DNAI1: variants seen among roughly 807,000 people sequenced by gnomAD.
DNAI1 encodes dynein axonemal intermediate chain 1, also known as dynein, axonemal, intermediate polypeptide 1.
A neutral mutation model predicts 92.0 loss-of-function variants in DNAI1; 67 were observed. That is an observed-to-expected ratio of 0.73 (90% confidence interval 0.60 to 0.89). The LOEUF (loss-of-function observed/expected upper bound fraction) is 0.89. DNAI1 is among the 40% of genes least tolerant of loss of function. DNAI1 has a pLI of 0.00. For missense variants in DNAI1, 839 were observed against 866.6 expected (o/e 0.97, Z 0.40); for synonymous variants, 323 against 319.6 (o/e 1.01, Z -0.11).
Position 34,512,454 on chromosome 9 carries a change from C to T in DNAI1, c.1489+30C>T, listed in dbSNP as rs752274074. The T allele has an allele frequency of 1.1e-5, 17 of 1,604,756 alleles. No homozygotes were observed. The African/African-American group carries it at 1.6e-4, about 15-fold the overall frequency. On this transcript the variant is annotated intron_variant, in intron 15 of 19. Coordinates refer to ENST00000242317, the MANE Select transcript of DNAI1 (RefSeq NM_012144.4). ...GAGCCCCAGCCCTCTCACCTCCAGG[C>T]CTGGCCAGGTCATTCAGGCCCAGTG...
At position 34,511,932 on chromosome 9, in the gene DNAI1, T is replaced by G. The variant is rs75147610; in HGVS notation, c.1312-177T>G. 6.7e-3 allele frequency among the ~76,000 whole-genome samples: 1,016 copies of G among 152,146 alleles called. 6 individuals are homozygous for G. The highest frequency in any genetic ancestry group is 0.022 in the African/African-American group (894 of 41,500). On this transcript the variant is annotated intron_variant, in intron 13 of 19. Coordinates refer to ENST00000242317, the MANE Select transcript of DNAI1 (RefSeq NM_012144.4). ...GAATGAGAAATCCCCAAGAAAGGAA[T>G]GAGAGACAGAGATGGATGGAAGGAG...
chr9:34,473,047 T>C (rs1246352082), intron 1 of DNAI1, among the ~76,000 whole-genome samples: 1 of 152,146 alleles, frequency 6.6e-6, no homozygotes, highest in Non-Finnish European at 1.5e-5. Context: ...CAAATACACA[T>C]ATACACATAT....
In DNAI1 at chr9:34,500,821, C is replaced by T. The variant is rs1451350869; in HGVS notation, c.1001C>T (p.Ser334Phe). Reference sequence around the variant, plus strand: ...CAAAATGACAAAGCCAAGCGCCTGTCCGTCACTGCCCTCTGCTGGTAAGTA... The same window carrying T: ...CAAAATGACAAAGCCAAGCGCCTGTTCGTCACTGCCCTCTGCTGGTAAGTA... ...KFQNDKAKRL[S>F]VTALCWNPKY... Residue 334 changes from serine (S) to phenylalanine (F), a missense_variant, in exon 11 of 20, where the codon TCC (serine) becomes TTC (phenylalanine). Physicochemically the swap from Ser to Phe is radical, Grantham distance 155. Coordinates refer to ENST00000242317, the MANE Select transcript of DNAI1 (RefSeq NM_012144.4). 37 of 1,613,918 alleles carry T rather than the reference C, an allele frequency of 2.3e-5. No individual in the cohort carries two copies. In the Admixed American group the frequency reaches 4.3e-4, roughly 19 times the overall value.
chr9:34,491,357 C>A, intron 7 of DNAI1, 138 bp from the exon 8 acceptor site: 2 of 820,738 alleles, frequency 2.4e-6, no homozygotes, highest in Non-Finnish European at 4.2e-6. Context: ...TTCACCCAAG[C>A]CCCTCTTTAC....
chr9:34,477,299 C>A (rs1223609907), intron 1 of DNAI1, among the ~76,000 whole-genome samples: 1 of 152,126 alleles, frequency 6.6e-6, no homozygotes, highest in Non-Finnish European at 1.5e-5. Context: ...TTAGGAAGAT[C>A]ATTTGTAGAT....
intron 12 of DNAI1, among the ~76,000 whole-genome samples, chr9:34,505,262 A>G (rs751342519): frequency 5.9e-5 from 9 of 151,896 alleles, no homozygotes; most frequent in South Asian, 2.1e-4. Context: ...CCCCTTTCCA[A>G]TTTCTACAGG....
intron 1 of DNAI1, among the ~76,000 whole-genome samples, chr9:34,463,926 T>C (rs769603341): frequency 2.0e-5 from 3 of 152,112 alleles, no homozygotes; most frequent in Non-Finnish European, 2.9e-5. Context: ...GATGAAAAGA[T>C]AGGAGGTGAA....
At chr9:34,511,958 G>A (rs1825072764) in intron 13 of DNAI1, 151 bp from the exon 14 acceptor site, 9 of 731,646 alleles carry the variant, frequency 1.2e-5, no homozygotes, top group Non-Finnish European at 1.5e-5. Flanking sequence ...ATGGAAGGAG[G>A]GAGAAAGGAC....
chr9:34,500,085 T>G (rs1479066878), intron 10 of DNAI1, among the ~76,000 whole-genome samples: 3 of 152,092 alleles, frequency 2.0e-5, no homozygotes, highest in African/African-American at 7.2e-5. Context: ...AAGAAAAATA[T>G]GAGAAATTAT....
At position 34,512,341 on chromosome 9, in the gene DNAI1, A is replaced by G; in HGVS notation, c.1406A>G (p.Lys469Arg). ...RIVSWTLVKR[K>R]LVHIDVIKLK... ...TCCCTCTGTCTGTGGCTACAGAGAAAGCTGGTTCACATAGATGTCATCAAG... is the reference window on the plus strand; with the variant it reads ...TCCCTCTGTCTGTGGCTACAGAGAAGGCTGGTTCACATAGATGTCATCAAG... The change falls in exon 15 of 20, where the codon AAG becomes AGG. Residue 469 changes from lysine to arginine, a missense_variant. Lys to Arg is a conservative substitution (Grantham distance 26). Transcript: ENST00000242317. 6.2e-7 allele frequency: 1 copy of G among 1,614,132 alleles called. No individual in the cohort carries two copies. Among genetic ancestry groups the G allele is most frequent in the Non-Finnish European group, 8.5e-7 (1 of 1,180,016 alleles).
chr9:34,479,828 G>A (rs1824315818), intron 1 of DNAI1, among the ~76,000 whole-genome samples: 1 of 152,116 alleles, frequency 6.6e-6, no homozygotes, highest in Admixed American at 6.5e-5. Flanking sequence ...TGCTCTATCA[G>A]CAACAATCCC....
At chr9:34,489,916 C>G in intron 5 of DNAI1, 96 bp from the exon 6 acceptor site, 1 of 1,555,452 alleles carries the variant, frequency 6.4e-7, no homozygotes, top group African/African-American at 1.4e-5. Context: ...ACACTCAGGC[C>G]AAGGAAAACC....
rs1254460885 is a variant in DNAI1 at position 34,506,623 on chromosome 9, G to A, written c.1064-4G>A. On this transcript the variant is annotated splice_region_variant and splice_polypyrimidine_tract_variant and intron_variant, in intron 12 of 19. Transcript: ENST00000242317. ...AACCTCAGCCGCCCATCTTCCCTGGGTAGATGACTTCATGAAGCAGAGCCG... is the reference window on the plus strand; with the variant it reads ...AACCTCAGCCGCCCATCTTCCCTGGATAGATGACTTCATGAAGCAGAGCCG... 2.5e-6 allele frequency: 4 copies of A among 1,614,036 alleles called. No homozygotes were observed. The Admixed American group carries it at 6.7e-5, about 27-fold the overall frequency.
intron 8 of DNAI1, 81 bp downstream of exon 8, chr9:34,491,635 G>C: frequency 6.7e-7 from 1 of 1,488,570 alleles, no homozygotes; most frequent in Non-Finnish European, 9.3e-7. Context: ...AGGCAACACT[G>C]GGTCAAGGGC....
At chr9:34,517,585 G>A (rs929516950) in intron 19 of DNAI1, 118 bp downstream of exon 19, 35 of 1,203,134 alleles carry the variant, frequency 2.9e-5, no homozygotes, top group South Asian at 2.6e-5. Flanking sequence ...CCCAGGGTAA[G>A]GATGGTGTCA....
At chr9:34,472,779 G>A (rs1824164581) in intron 1 of DNAI1, among the ~76,000 whole-genome samples, 1 of 151,988 alleles carries the variant, frequency 6.6e-6, no homozygotes, top group African/African-American at 2.4e-5. Flanking sequence ...GTACATGCCT[G>A]TATTCCTAGC....
chr9:34,458,935 G>A lies in DNAI1; in HGVS notation c.-71G>A, dbSNP rs1432204819. ...GGAAGAGAGTCCAGATTTCTTGTGTGTGGTCAAGGAGACGGACAAACTTTT... is the reference window on the plus strand; with the variant it reads ...GGAAGAGAGTCCAGATTTCTTGTGTATGGTCAAGGAGACGGACAAACTTTT... On this transcript the variant is annotated 5_prime_UTR_variant, in exon 1 of 20. It adds an upstream start codon to the 5' untranslated region. Coordinates refer to ENST00000242317, the MANE Select transcript of DNAI1 (RefSeq NM_012144.4). This position sits in a 1 kb window ranked among gnomAD's most constrained non-coding sequence, Gnocchi z 6.6. The A allele has an allele frequency of 2.9e-6, 4 of 1,387,088 alleles. No homozygotes were observed. Among genetic ancestry groups the A allele is most frequent in the Non-Finnish European group, 4.1e-6 (4 of 974,328 alleles). 85.9% of individuals were successfully genotyped at this position (1,387,088 alleles called of 1,614,324 possible). A position where few individuals can be genotyped will look rare whatever the true frequency, so the allele number is the denominator to read the frequency against.
Position 34,500,800 on chromosome 9 carries a change from A to T in DNAI1, c.980A>T (p.Asn327Ile), listed in dbSNP as rs201547687. ...CTGCTGCCGCTCTGGAAGTTCCAAA[A>T]TGACAAAGCCAAGCGCCTGTCCGTC... The part of the protein sequence containing the change: ...GTLLPLWKFQ[N>I]DKAKRLSVTA... The change falls in exon 11 of 20, where the codon AAT becomes ATT. Residue 327 changes from asparagine (N) to isoleucine (I), a missense_variant. Asn to Ile is a moderately radical substitution (Grantham distance 149). Transcript: ENST00000242317. 3 of 1,614,136 alleles carry T rather than the reference A, an allele frequency of 1.9e-6. No individual in the cohort carries two copies.
rs1022597730 is a variant in DNAI1, at chr9:34,483,629, T to C, written c.81+149T>C. 1.8e-5 allele frequency: 12 copies of C among 677,948 alleles called. No individual in the cohort carries two copies. The African/African-American group carries it at 2.2e-4, about 12-fold the overall frequency. The allele number at this position is 677,948 out of a possible 1,614,324, so 42.0% of individuals were successfully genotyped here. A position where few individuals can be genotyped will look rare whatever the true frequency, so the allele number is the denominator to read the frequency against. On this transcript the variant is annotated intron_variant, in intron 2 of 19. Transcript: ENST00000242317. ...TAAACCTACCACCTTATAATAACTT[T>C]AGTTAACATGTGATGTTACATCCTC...
Sources: allele counts gnomAD v4.1 joint callset (sites outside exome capture counted in the v4.1 genomes callset), GRCh38; gene constraint gnomAD v4.1.1; non-coding constraint Gnocchi (gnomAD v3.1); transcripts MANE v1.5; gene names NCBI Gene and HGNC (gene_info 2026-07-23, HGNC 2026-07-21).